Variants in ZNF724 observed in about 807,000 individuals in gnomAD.
ZNF724 encodes the protein zinc finger protein 724 pseudogene.
ZNF724 carries 14 observed loss-of-function variants against 29.3 expected under a neutral mutation model. The ratio of observed to expected loss-of-function variants is 0.48; its 90% confidence interval spans 0.32 to 0.75. The LOEUF is 0.75. Ranked by LOEUF, ZNF724 falls within the 30% of genes least tolerant of loss-of-function variation. The pLI is 0.04. For missense variants in ZNF724, 557 were observed against 571.2 expected (o/e 0.98, Z 0.25); for synonymous variants, 180 against 193.6 (o/e 0.93, Z 0.58).
chr19:23,249,952 C>CT (rs1339596313), intron 1 of ZNF724, among the ~76,000 whole-genome samples: 1 of 152,234 alleles, frequency 6.6e-6, no homozygotes, highest in African/African-American at 2.4e-5. Context: ...CCCTTGGTCC[C>CT]TGCACAATCT....
At chr19:23,234,102 C>T (rs140139613) in intron 1 of ZNF724, among the ~76,000 whole-genome samples, 1 of 152,278 alleles carries the variant, frequency 6.6e-6, no homozygotes, top group East Asian at 1.9e-4. Flanking sequence ...ATATGGGCCA[C>T]GCTGCCCTGT....
At chr19:23,232,634 G>A (rs937832198) in intron 1 of ZNF724, among the ~76,000 whole-genome samples, 1 of 151,152 alleles carries the variant, frequency 6.6e-6, no homozygotes, top group African/African-American at 2.4e-5. Context: ...CGAGTTACAA[G>A]GTACATCTCA....
In ZNF724 at chr19:23,232,220, T is replaced by C. The variant is rs754374394; in HGVS notation, c.77A>G (p.Gln26Arg). Residue 26 changes from glutamine (Q) to arginine (R), a missense_variant, in exon 2 of 4, where the codon CAG becomes CGG. Gln to Arg is a conservative substitution (Grantham distance 43, BLOSUM62 1). Transcript: ENST00000418100. ...EEWQCLDTAQ[Q>R]NLYRNVMLEN... ...TAACATCACGTTCCTATATAAATTC[T>C]GCTGTGCAGTGTCCAGGCATTGCCA... 1.5e-6 allele frequency: 2 copies of C among 1,344,086 alleles called. No homozygotes were observed. Among genetic ancestry groups the C allele is most frequent in the African/African-American group, 2.9e-5 (2 of 69,670 alleles). 83.3% of individuals were successfully genotyped at this position (1,344,086 alleles called of 1,614,324 possible). A position where few individuals can be genotyped will look rare whatever the true frequency, so the allele number is the denominator to read the frequency against.
chr19:23,243,967 A>G (rs1972188524), intron 1 of ZNF724, among the ~76,000 whole-genome samples: 2 of 145,180 alleles, frequency 1.4e-5, no homozygotes, highest in Admixed American at 6.9e-5. Context: ...AAAAAAAAAT[A>G]CCTGTTTGGT....
In ZNF724 at chr19:23,223,892, T is replaced by C. The variant is rs780312080; in HGVS notation, c.353A>G (p.Lys118Arg). Residue 118 changes from lysine (K) to arginine (R), a missense_variant, in exon 4 of 4, where the codon AAA becomes AGA. Around this residue, in one of 3 missense-constraint regions of ZNF724, gnomAD observed 362 missense variants for 295.5 expected, o/e 1.22. Coordinates refer to ENST00000418100, the MANE Select transcript of ZNF724 (RefSeq NM_001355404.2). ...HHNLQLKKGY[K>R]SVDEYKVHKG... ...GTGCACCTTGTACTCATCCACACTTTTATAGCCTTTTTTTAACTGTAAATT... is the reference window on the plus strand; with the variant it reads ...GTGCACCTTGTACTCATCCACACTTCTATAGCCTTTTTTTAACTGTAAATT... 47 of 776,334 alleles carry C rather than the reference T, an allele frequency of 6.1e-5. 1 individual carries two copies. The South Asian group carries it at 6.2e-4, about 10-fold the overall frequency. 48.1% of individuals were successfully genotyped at this position (776,334 alleles called of 1,614,324 possible). A position where few individuals can be genotyped will look rare whatever the true frequency, so the allele number is the denominator to read the frequency against.
At position 23,223,712 on chromosome 19, in the gene ZNF724, G is replaced by T; in HGVS notation, c.533C>A (p.Ser178Ter). The T allele has an allele frequency of 4.2e-6, 3 of 720,942 alleles. No homozygotes were observed. In the South Asian group the frequency reaches 4.4e-5, roughly 11 times the overall value. 44.7% of individuals were successfully genotyped at this position (720,942 alleles called of 1,614,324 possible). A position where few individuals can be genotyped will look rare whatever the true frequency, so the allele number is the denominator to read the frequency against. The change falls in exon 4 of 4, where the codon TCA becomes TAA. Residue 178 changes from serine to a stop codon, truncating the protein, a stop_gained. Coordinates refer to ENST00000418100, the MANE Select transcript of ZNF724 (RefSeq NM_001355404.2). LOFTEE classifies it low-confidence loss of function (END_TRUNC). ...NPFKCKECGKSFCVLSHLTQH... is the reference protein window; with the variant it reads ...NPFKCKECGK ...AGTTAGGTGTGAAAGAACACAAAAT[G>T]ACTTGCCACATTCTTTACATTTGAA...
chr19:23,242,714 A>G (rs1972149234), intron 1 of ZNF724: 2 of 43,560 alleles, frequency 4.6e-5, no homozygotes, highest in Non-Finnish European at 1.0e-4. Context: ...ACTCCGTCTG[A>G]AAAAAGAAAA....
At chr19:23,243,840 T>C (rs1972184406) in intron 1 of ZNF724, among the ~76,000 whole-genome samples, 1 of 151,320 alleles carries the variant, frequency 6.6e-6, no homozygotes, top group Admixed American at 6.6e-5. Context: ...GGAGAATCAC[T>C]TGAACCCAGG....
intron 1 of ZNF724, among the ~76,000 whole-genome samples, chr19:23,240,761 G>A (rs1240771330): frequency 1.3e-5 from 2 of 148,278 alleles, no homozygotes; most frequent in Non-Finnish European, 3.0e-5. Context: ...GCCAAGCACA[G>A]TGGTTCATGC....
Position 23,222,662 on chromosome 19 carries a change from T to G in ZNF724, c.1583A>C (p.His528Pro), listed in dbSNP as rs1382461358. 7.3e-7 allele frequency: 1 copy of G among 1,369,384 alleles called. No homozygotes were observed. The highest frequency in any genetic ancestry group is 1.7e-5 in the Admixed American group (1 of 59,288). The allele number at this position is 1,369,384 out of a possible 1,614,324, so 84.8% of individuals were successfully genotyped here. A position where few individuals can be genotyped will look rare whatever the true frequency, so the allele number is the denominator to read the frequency against. Residue 528 changes from histidine to proline, a missense_variant, in exon 4 of 4, where the codon CAT (histidine) becomes CCT (proline). His to Pro is a moderately conservative substitution (Grantham distance 77). Transcript: ENST00000418100. ...ACATTTGTAGGGTTTCTCTCCAGCA[T>G]GAATTATCTTATGTCTAGCAAGTGT... is the stretch of plus-strand genomic sequence containing the variant. ...SSTLARHKII[H>P]AGEKPYKCEE... is the part of the protein sequence containing the mutation.
Position 23,246,281 on chromosome 19 carries a change from TTTA to T in ZNF724, c.3+3956_3+3958del, listed in dbSNP as rs1325330585. On this transcript the variant is annotated intron_variant, in intron 1 of 3. Coordinates refer to ENST00000418100, the MANE Select transcript of ZNF724 (RefSeq NM_001355404.2). Reference sequence around the variant, plus strand: ...AAACTTTCTTTCAGACAATAAATACTTTATTATCTCCATTATAAATCATGTAGT... The same window carrying T: ...AAACTTTCTTTCAGACAATAAATACTTTATCTCCATTATAAATCATGTAGT... Among the ~76,000 whole-genome samples, 3 of 152,142 alleles carry T rather than the reference TTTA, an allele frequency of 2.0e-5. No homozygotes were observed. The East Asian group carries it at 5.8e-4, about 29-fold the overall frequency.
At chr19:23,237,328 C>T (rs1972037396) in intron 1 of ZNF724, among the ~76,000 whole-genome samples, 2 of 152,056 alleles carry the variant, frequency 1.3e-5, no homozygotes, top group African/African-American at 2.4e-5. Flanking sequence ...ATAAAAGATA[C>T]TGAAATCATG....
In ZNF724 at chr19:23,223,409, T is replaced by G. The variant is rs764844933; in HGVS notation, c.836A>C (p.Glu279Ala). ...LTTHKIIHTG[E>A]NAYKCKECGK... ...ACATTCTTTACATTTGTAGGCATTCTCTCCAGTATGAATTATCTTATGTGT... is the reference window on the plus strand; with the variant it reads ...ACATTCTTTACATTTGTAGGCATTCGCTCCAGTATGAATTATCTTATGTGT... The change falls in exon 4 of 4, where the codon GAG (glutamate) becomes GCG (alanine). Residue 279 changes from glutamate (E) to alanine (A), a missense_variant. By Grantham distance (107) the Glu-to-Ala change is moderately radical. Coordinates refer to ENST00000418100, the MANE Select transcript of ZNF724 (RefSeq NM_001355404.2). 11 of 772,072 alleles carry G rather than the reference T, an allele frequency of 1.4e-5. No individual in the cohort carries two copies. Among genetic ancestry groups the G allele is most frequent in the Non-Finnish European group, 2.4e-5 (10 of 414,468 alleles). The allele number at this position is 772,072 out of a possible 1,614,324, so 47.8% of individuals were successfully genotyped here. A position where few individuals can be genotyped will look rare whatever the true frequency, so the allele number is the denominator to read the frequency against.
intron 1 of ZNF724, among the ~76,000 whole-genome samples, chr19:23,240,352 A>G (rs914360895): frequency 1.3e-5 from 2 of 151,898 alleles, no homozygotes; most frequent in Admixed American, 6.6e-5. Context: ...ACTAAGGCCC[A>G]GAGTTTTGGT....
At chr19:23,236,355 G>A (rs952924098) in intron 1 of ZNF724, 1 of 152,136 alleles carries the variant, frequency 6.6e-6, no homozygotes, top group African/African-American at 2.4e-5. Flanking sequence ...CACGATAATG[G>A]GAATGGGAGC....
At chr19:23,239,623 A>C (rs1972083470) in intron 1 of ZNF724, among the ~76,000 whole-genome samples, 1 of 152,138 alleles carries the variant, frequency 6.6e-6, no homozygotes. Context: ...AAAACTTAGA[A>C]ATCAATTTAA....
chr19:23,233,471 C>T (rs1322227644), intron 1 of ZNF724, among the ~76,000 whole-genome samples: 4 of 152,106 alleles, frequency 2.6e-5, no homozygotes, highest in Non-Finnish European at 5.9e-5. Flanking sequence ...AGGATCCCAG[C>T]TTTTCCCCAA....
intron 1 of ZNF724, among the ~76,000 whole-genome samples, chr19:23,248,068 C>A (rs1972273751): frequency 6.6e-6 from 1 of 152,140 alleles, no homozygotes; most frequent in Non-Finnish European, 1.5e-5. Context: ...ACAAAAAACA[C>A]TGACCCCCAA....
chr19:23,231,170 A>T, intron 3 of ZNF724, 96 bp downstream of exon 3: 1 of 960,450 alleles, frequency 1.0e-6, no homozygotes, highest in Non-Finnish European at 1.5e-6. Flanking sequence ...GGCATGAGCC[A>T]CCACACCTGG....
Sources: allele counts gnomAD v4.1 joint callset (sites outside exome capture counted in the v4.1 genomes callset), GRCh38; gene constraint gnomAD v4.1.1; regional missense constraint gnomAD v4.1.1; transcripts MANE v1.5; gene names NCBI Gene and HGNC (gene_info 2026-07-23, HGNC 2026-07-21).